Variants in CCDC88A observed in about 807,000 individuals in gnomAD.
CCDC88A encodes the protein girdin.
CCDC88A carries 54 observed loss-of-function variants against 234.3 expected under a neutral mutation model. The observed-to-expected ratio is 0.23, with a 90% confidence interval of 0.19 to 0.29. The LOEUF (loss-of-function observed/expected upper bound fraction) is 0.29. Ranked by LOEUF, CCDC88A falls within the 10% of genes least tolerant of loss-of-function variation. The pLI is 1.00. For missense variants in CCDC88A, 1,832 were observed against 2,123.4 expected (o/e 0.86, Z 2.70); for synonymous variants, 753 against 737.8 (o/e 1.02, Z -0.33).
chr2:55,330,066 A>G (rs1217311012), intron 16 of CCDC88A: 1 of 152,090 alleles, frequency 6.6e-6, no homozygotes, highest in Admixed American at 6.6e-5. Flanking sequence ...CGGCCTACTA[A>G]ATTTATTTCG....
In CCDC88A at chr2:55,334,718, C is replaced by T; in HGVS notation, c.2103G>A (p.Glu701=). ...CATTCCTTCGCAGTTCTAAGTTTTC[C>T]TCATCAAGTTGGGAATTCTCTTTTT... ...SLEKENSQLD[E]ENLELRRNVE... is the part of the protein sequence containing the mutation. The change falls in exon 15 of 33, where the codon GAG becomes GAA. Residue 701 remains glutamate (E), a synonymous_variant. Coordinates refer to ENST00000436346, the MANE Select transcript of CCDC88A (RefSeq NM_001365480.1). This position sits in a 1 kb window ranked among gnomAD's most constrained non-coding sequence, Gnocchi z 6.1. The T allele has an allele frequency of 1.9e-6, 3 of 1,613,104 alleles. 1 individual carries two copies. The South Asian group carries it at 3.3e-5, about 18-fold the overall frequency.
rs1016403411 is a variant in CCDC88A at position 55,288,462 on chromosome 2, G to T, written c.*2738C>A. 2.0e-5 allele frequency: 3 copies of T among 152,654 alleles called. No homozygotes were observed. The highest frequency in any genetic ancestry group is 7.2e-5 in the African/African-American group (3 of 41,466). The allele number at this position is 152,654 out of a possible 1,614,324, so 9.5% of individuals were successfully genotyped here. ...CCATTGTAATTCCAGATTTGGTACA[G>T]TATCTTTTTCATTTCCTGACATAAA... is the stretch of plus-strand genomic sequence containing the variant. On this transcript the variant is annotated 3_prime_UTR_variant, in exon 33 of 33. Coordinates refer to ENST00000436346, the MANE Select transcript of CCDC88A (RefSeq NM_001365480.1).
Position 55,344,429 on chromosome 2 carries a change from T to C in CCDC88A, c.1127A>G (p.Lys376Arg). The change falls in exon 11 of 33, where the codon AAA becomes AGA. Residue 376 changes from lysine (K) to arginine (R), a missense_variant. Physicochemically the swap from Lys to Arg is conservative, Grantham distance 26 (BLOSUM62 2). This residue lies in a region of CCDC88A where 1,282 missense variants were observed against 1,543.6 expected (regional missense o/e 0.83). Transcript: ENST00000436346. Reference protein sequence around the residue: ...QLEGTRARSDKLHELEKENLQ... With the variant: ...QLEGTRARSDRLHELEKENLQ... ...GTTCTCTTTTTCTAATTCATGTAAT[T>C]TATCAGAACGAGCACGAGTTCCCTC... The C allele has an allele frequency of 6.3e-7, 1 of 1,587,708 alleles. No homozygotes were observed. Among genetic ancestry groups the C allele is most frequent in the Non-Finnish European group, 8.6e-7 (1 of 1,163,006 alleles).
chr2:55,352,409 A>T (rs538887060), intron 8 of CCDC88A, among the ~76,000 whole-genome samples: 2 of 149,608 alleles, frequency 1.3e-5, no homozygotes, highest in Admixed American at 1.3e-4. Flanking sequence ...CCTGGGCAAC[A>T]GAGTGAGACT....
At chr2:55,382,127 A>G (rs1165169529) in intron 3 of CCDC88A, among the ~76,000 whole-genome samples, 1 of 152,242 alleles carries the variant, frequency 6.6e-6, no homozygotes, top group Admixed American at 6.5e-5. Flanking sequence ...CATTTGTTTT[A>G]TAACACACAT....
intron 17 of CCDC88A, among the ~76,000 whole-genome samples, chr2:55,327,346 T>C (rs991339428): frequency 6.6e-6 from 1 of 152,190 alleles, no homozygotes; most frequent in Admixed American, 6.5e-5. Context: ...ACTCTCATAA[T>C]TGATTGGTAT....
chr2:55,315,787 T>C (rs1485676248), intron 22 of CCDC88A, 141 bp downstream of exon 22: 3 of 442,330 alleles, frequency 6.8e-6, no homozygotes, highest in Middle Eastern at 6.1e-4. Flanking sequence ...ACATGTAAGT[T>C]TCAGTGATCC....
intron 2 of CCDC88A, among the ~76,000 whole-genome samples, chr2:55,412,334 G>T (rs565141505): frequency 9.2e-5 from 14 of 152,298 alleles, no homozygotes; most frequent in African/African-American, 3.4e-4. Context: ...GCAGGAATTG[G>T]TTAGTCAAAG....
chr2:55,380,546 T>A (rs1314470714), intron 3 of CCDC88A, among the ~76,000 whole-genome samples: 1 of 151,220 alleles, frequency 6.6e-6, no homozygotes, highest in Non-Finnish European at 1.5e-5. Flanking sequence ...CAATTTCATT[T>A]CCACCACATG....
In CCDC88A at chr2:55,296,006, C is replaced by T. The variant is rs760108885; in HGVS notation, c.5142G>A (p.Leu1714=). ...ENLLDEVMKS[L]SVSSDFLGKD... is the part of the protein sequence containing the mutation. ...TTCCCAAAAAGTCAGAAGAGACAGA[C>T]AAACTTTTCATTACTTCATCTAAAA... is the stretch of plus-strand genomic sequence containing the variant. The change falls in exon 31 of 33, where the codon TTG becomes TTA. Residue 1714 remains leucine (L), a synonymous_variant. Coordinates refer to ENST00000436346, the MANE Select transcript of CCDC88A (RefSeq NM_001365480.1). 3 of 1,608,640 alleles carry T rather than the reference C, an allele frequency of 1.9e-6. No individual in the cohort carries two copies. Among genetic ancestry groups the T allele is most frequent in the Non-Finnish European group, 2.5e-6 (3 of 1,178,836 alleles).
At position 55,359,811 on chromosome 2, in the gene CCDC88A, T is replaced by A. The variant is rs1342198568; in HGVS notation, c.627+2497A>T. On this transcript the variant is annotated intron_variant, in intron 7 of 32. Coordinates refer to ENST00000436346, the MANE Select transcript of CCDC88A (RefSeq NM_001365480.1). ...GACCTTGCAAAAACCAGGTGTTTCT[T>A]AATTTATACTGAAGAATGAACATAA... 2.0e-5 allele frequency among the ~76,000 whole-genome samples: 3 copies of A among 151,990 alleles called. No individual in the cohort carries two copies. In the East Asian group the frequency reaches 5.8e-4, roughly 29 times the overall value.
intron 2 of CCDC88A, among the ~76,000 whole-genome samples, chr2:55,403,104 A>T (rs906288522): frequency 1.3e-5 from 2 of 152,182 alleles, no homozygotes; most frequent in Non-Finnish European, 2.9e-5. Flanking sequence ...TCTATAAATC[A>T]AATTTCATCA....
In CCDC88A at chr2:55,308,823, G is replaced by A. The variant is rs139450845; in HGVS notation, c.4373C>T (p.Thr1458Ile). ...NSLEDGQTLG[T>I]KKSSMVALKR... ...TAAGCACTCACTGCTGCTTTTCTTG[G>A]TCCCCAAGGTCTGGCCATCTTCTAA... The change falls in exon 25 of 33, where the codon ACC becomes ATC. Residue 1458 changes from threonine to isoleucine, a missense_variant. Thr to Ile is a moderately conservative substitution (Grantham distance 89). Coordinates refer to ENST00000436346, the MANE Select transcript of CCDC88A (RefSeq NM_001365480.1). The A allele has an allele frequency of 6.2e-6, 10 of 1,613,360 alleles. No individual in the cohort carries two copies. Among genetic ancestry groups the A allele is most frequent in the Non-Finnish European group, 8.5e-6 (10 of 1,179,508 alleles).
At chr2:55,386,217 C>G (rs1004593540) in intron 3 of CCDC88A, among the ~76,000 whole-genome samples, 2 of 28,836 alleles carry the variant, frequency 6.9e-5, no homozygotes, top group Admixed American at 1.1e-3. Flanking sequence ...AGCAAAACTC[C>G]GTCTCAAAAA....
At chr2:55,307,610 A>T (rs1283579822) in intron 25 of CCDC88A, among the ~76,000 whole-genome samples, 1 of 151,764 alleles carries the variant, frequency 6.6e-6, no homozygotes, top group East Asian at 1.9e-4. Context: ...CCGCCTCGCC[A>T]TCCAAAGTGC....
At chr2:55,353,508 G>A (rs776159191) in intron 8 of CCDC88A, among the ~76,000 whole-genome samples, 1 of 151,698 alleles carries the variant, frequency 6.6e-6, no homozygotes, top group Admixed American at 6.6e-5. Context: ...ATTTTCCTAT[G>A]GACTGTAATA....
At chr2:55,400,056 T>C (rs1678354637) in intron 2 of CCDC88A, among the ~76,000 whole-genome samples, 1 of 152,216 alleles carries the variant, frequency 6.6e-6, no homozygotes, top group African/African-American at 2.4e-5. Flanking sequence ...CTATTAAGTA[T>C]GACTCACAGA....
chr2:55,319,963 A>G (rs1056689383), intron 18 of CCDC88A, among the ~76,000 whole-genome samples: 4 of 152,266 alleles, frequency 2.6e-5, no homozygotes, highest in African/African-American at 9.6e-5. Context: ...TAAATATAAC[A>G]TTAATTTTAT....
At chr2:55,346,409 T>A (rs915218283) in intron 9 of CCDC88A, 76 bp from the exon 10 acceptor site, 22 of 797,264 alleles carry the variant, frequency 2.8e-5, no homozygotes, top group Non-Finnish European at 3.8e-5. Flanking sequence ...CAATTTGAAA[T>A]TTTATTTATT....
Sources: allele counts gnomAD v4.1 joint callset (sites outside exome capture counted in the v4.1 genomes callset), GRCh38; gene constraint gnomAD v4.1.1; regional missense constraint gnomAD v4.1.1; non-coding constraint Gnocchi (gnomAD v3.1); transcripts MANE v1.5; gene names NCBI Gene and HGNC (gene_info 2026-07-23, HGNC 2026-07-21).